CNGB1: variants seen among roughly 807,000 people sequenced by gnomAD.
CNGB1 encodes cyclic nucleotide gated channel subunit beta 1.
A neutral mutation model predicts 151.7 loss-of-function variants in CNGB1; 126 were observed. The observed-to-expected ratio is 0.83, with a 90% CI of 0.72 to 0.96. The LOEUF (loss-of-function observed/expected upper bound fraction) is 0.96. CNGB1 is among the 40% of genes least tolerant of loss of function. CNGB1 has a pLI of 0.00. For missense variants in CNGB1, 1,698 were observed against 1,627.0 expected (o/e 1.04, Z -0.75); for synonymous variants, 623 against 635.1 (o/e 0.98, Z 0.29).
In CNGB1 at chr16:57,940,322, C is replaced by G; in HGVS notation, c.1122-1G>C. ...CACCACACAGCTATCCAGCAGCACC[C>G]TGTGACCCGGGGCGGGGTGGGGAGG... On this transcript the variant is annotated splice_acceptor_variant, in intron 14 of 32. Coordinates refer to ENST00000251102, the MANE Select transcript of CNGB1 (RefSeq NM_001297.5). LOFTEE classifies it high-confidence loss of function. The G allele has an allele frequency of 6.3e-7, 1 of 1,578,280 alleles. No individual in the cohort carries two copies. The highest frequency in any genetic ancestry group is 8.6e-7 in the Non-Finnish European group (1 of 1,162,112).
chr16:57,903,066 G>C (rs147320524), intron 27 of CNGB1, among the ~76,000 whole-genome samples: 12 of 152,052 alleles, frequency 7.9e-5, no homozygotes, highest in African/African-American at 2.9e-4. Context: ...CCAGGGCTAA[G>C]CCTGCTGCAC....
intron 32 of CNGB1, among the ~76,000 whole-genome samples, chr16:57,885,309 A>G (rs1013338388): frequency 6.6e-6 from 1 of 152,070 alleles, no homozygotes; most frequent in African/African-American, 2.4e-5. Context: ...GACCTGCGCC[A>G]TTTGCTCAAG....
intron 20 of CNGB1, 134 bp downstream of exon 20, chr16:57,918,965 T>C (rs1038878445): frequency 4.1e-5 from 61 of 1,504,900 alleles, no homozygotes; most frequent in Non-Finnish European, 4.9e-5. Flanking sequence ...TTGAAAGGTA[T>C]AAAAGATCAT....
intron 16 of CNGB1, among the ~76,000 whole-genome samples, chr16:57,936,243 G>A (rs1961504674): frequency 6.6e-6 from 1 of 152,066 alleles, no homozygotes; most frequent in Admixed American, 6.6e-5. Context: ...ATCTGCACCT[G>A]GAGCTTCTTT....
intron 25 of CNGB1, among the ~76,000 whole-genome samples, chr16:57,909,792 T>C (rs767770835): frequency 3.6e-4 from 55 of 152,200 alleles, no homozygotes; most frequent in Admixed American, 9.2e-4. Context: ...GTTGGCACTT[T>C]TCCTTTTCAT....
intron 9 of CNGB1, among the ~76,000 whole-genome samples, 156 bp from the exon 10 acceptor site, chr16:57,960,221 A>G (rs2149386657): frequency 6.6e-6 from 1 of 152,316 alleles, no homozygotes; most frequent in South Asian, 2.1e-4. Flanking sequence ...CAGACCAGAC[A>G]GACAAGGGAA....
At chr16:57,940,125 G>A in intron 15 of CNGB1, 109 bp downstream of exon 15, 1 of 1,060,142 alleles carries the variant, frequency 9.4e-7, no homozygotes, top group Non-Finnish European at 1.4e-6. Context: ...TGTCCTGCGG[G>A]CATCTTACCA....
intron 12 of CNGB1, 59 bp from the exon 13 acceptor site, chr16:57,950,599 C>G (rs758097808): frequency 1.3e-6 from 2 of 1,594,452 alleles, no homozygotes; most frequent in Non-Finnish European, 1.7e-6. Context: ...GCTTGGGCCT[C>G]TGAGTCCCAG....
intron 32 of CNGB1, among the ~76,000 whole-genome samples, chr16:57,886,557 C>T (rs7198149): frequency 0.095 from 14,513 of 152,180 alleles, 704 homozygotes; most frequent in East Asian, 0.15. Flanking sequence ...CACCAGACTT[C>T]TACTGTCAAA....
chr16:57,916,431 C>T (rs1239491146), intron 21 of CNGB1, among the ~76,000 whole-genome samples: 2 of 152,208 alleles, frequency 1.3e-5, no homozygotes, highest in African/African-American at 4.8e-5. Context: ...AGCTTATTCC[C>T]TCTGCCCATT....
chr16:57,939,921 G>T (rs1961618170), intron 15 of CNGB1, among the ~76,000 whole-genome samples: 1 of 152,156 alleles, frequency 6.6e-6, no homozygotes, highest in Non-Finnish European at 1.5e-5. Context: ...CCTCCTACAG[G>T]CCCAAGGGAG....
chr16:57,939,475 T>A lies in CNGB1; in HGVS notation c.1327A>T (p.Thr443Ser), dbSNP rs1378434660. ...AEKEPQDWAE[T>S]KEEPEAEAEA... ...GCCTCAGCCTCAGGCTCCTCCTTGG[T>A]CTCCGCCCAGTCCTGGGGCTCCTTT... The change falls in exon 16 of 33, where the codon ACC becomes TCC. Residue 443 changes from threonine to serine, a missense_variant. Thr to Ser is a moderately conservative substitution (Grantham distance 58). Coordinates refer to ENST00000251102, the MANE Select transcript of CNGB1 (RefSeq NM_001297.5). 6.2e-7 allele frequency: 1 copy of A among 1,613,980 alleles called. No individual in the cohort carries two copies. The highest frequency in any genetic ancestry group is 8.5e-7 in the Non-Finnish European group (1 of 1,179,998).
chr16:57,945,400 G>A (rs1961781504), intron 14 of CNGB1, among the ~76,000 whole-genome samples: 1 of 152,244 alleles, frequency 6.6e-6, no homozygotes, highest in South Asian at 2.1e-4. Flanking sequence ...CCCAGCCAGA[G>A]GCTTCCTGGG....
Position 57,914,127 on chromosome 16 carries a change from A to T in CNGB1, c.2304+1122T>A, listed in dbSNP as rs1449136136. On this transcript the variant is annotated intron_variant, in intron 23 of 32. Transcript: ENST00000251102. The stretch of plus-strand genomic sequence containing the variant: ...GAACAGGGGCTTGGATGGCTCACTT[A>T]AAGAGTTTTGTCCACTGAATGGTGT... 2.0e-5 allele frequency among the ~76,000 whole-genome samples: 3 copies of T among 152,342 alleles called. No individual in the cohort carries two copies. In the East Asian group the frequency reaches 5.8e-4, roughly 29 times the overall value.
intron 16 of CNGB1, 45 bp downstream of exon 16, chr16:57,939,385 C>T (rs902741628): frequency 2.5e-6 from 4 of 1,613,210 alleles, no homozygotes; most frequent in Non-Finnish European, 3.4e-6. Context: ...CTAAAAGGAC[C>T]TCAGACATTC....
chr16:57,893,739 G>A (rs1204830667), intron 31 of CNGB1, among the ~76,000 whole-genome samples: 2 of 152,136 alleles, frequency 1.3e-5, no homozygotes. Context: ...CCAGGAGGCA[G>A]AGGTTACAGT....
intron 8 of CNGB1, 79 bp from the exon 9 acceptor site, chr16:57,960,609 C>A: frequency 6.3e-7 from 1 of 1,575,758 alleles, no homozygotes; most frequent in South Asian, 1.1e-5. Flanking sequence ...CCAGCTGTGT[C>A]CTGGCCCAAG....
chr16:57,951,021 CGTTCG>C (rs1163516471), intron 12 of CNGB1, among the ~76,000 whole-genome samples: 2 of 152,188 alleles, frequency 1.3e-5, no homozygotes, highest in Non-Finnish European at 2.9e-5. Flanking sequence ...CACGCCCATA[CGTTCG>C]GCATTTGCTT....
At chr16:57,924,804 A>T (rs1455858502) in intron 17 of CNGB1, among the ~76,000 whole-genome samples, 1 of 151,954 alleles carries the variant, frequency 6.6e-6, no homozygotes, top group Non-Finnish European at 1.5e-5. Context: ...ATTCTCATGA[A>T]ATCTGATTGT....
Sources: gnomAD v4.1 joint callset for allele counts (sites outside exome capture counted in the v4.1 genomes callset) on GRCh38, gnomAD v4.1.1 for gene constraint, MANE v1.5 for transcripts, NCBI Gene and HGNC (gene_info 2026-07-23, HGNC 2026-07-21) for gene names.